ARRDC2: variants seen among roughly 807,000 people sequenced by gnomAD.
ARRDC2 encodes the protein arrestin domain-containing protein 2.
Under a neutral mutation model 38.9 loss-of-function variants are expected in ARRDC2, and 39 were observed. The observed-to-expected ratio is 1.00, with a 90% CI of 0.78 to 1.31. The LOEUF (loss-of-function observed/expected upper bound fraction) is 1.31. ARRDC2 is among the 50% of genes most tolerant of loss of function. ARRDC2 has a pLI of 0.00. For missense variants in ARRDC2, 553 were observed against 588.4 expected (o/e 0.94, Z 0.62); for synonymous variants, 300 against 261.9 (o/e 1.15, Z -1.41).
chr19:18,003,347 A>G (rs1259314334), upstream of ARRDC2, among the ~76,000 whole-genome samples: 1 of 151,518 alleles, frequency 6.6e-6, no homozygotes, highest in Non-Finnish European at 1.5e-5. Flanking sequence ...GCTCACTGCA[A>G]CCTCTGCCTC....
exon 1 of ARRDC2, chr19:18,001,216 G>T: frequency 9.2e-7 from 1 of 1,092,778 alleles, no homozygotes; most frequent in Non-Finnish European, 1.1e-6. Context: ...AAGCTTGGGG[G>T]ACGCGACGGG....
At chr19:18,009,485 A>G (rs1391317485) in intron 3 of ARRDC2, 107 bp from the exon 4 acceptor site, 1 of 1,023,078 alleles carries the variant, frequency 9.8e-7, no homozygotes, top group East Asian at 2.4e-5. Context: ...AAAAGAAACC[A>G]AGCCCTGCCC....
upstream of ARRDC2, among the ~76,000 whole-genome samples, chr19:18,006,374 C>T (rs1293123975): frequency 1.3e-5 from 2 of 152,172 alleles, no homozygotes; most frequent in Admixed American, 6.5e-5. Flanking sequence ...TCTGCAATCC[C>T]GGCACCTCGG....
upstream of ARRDC2, among the ~76,000 whole-genome samples, chr19:18,006,288 G>A (rs2033276262): frequency 6.6e-6 from 1 of 152,248 alleles, no homozygotes; most frequent in South Asian, 2.1e-4. Flanking sequence ...CTGGGAGGTG[G>A]AGGTTGTAGC....
intron 6 of ARRDC2, 71 bp downstream of exon 6, chr19:18,010,429 C>A: frequency 6.4e-7 from 1 of 1,569,518 alleles, no homozygotes; most frequent in Non-Finnish European, 8.6e-7. Flanking sequence ...GGTCAACTCT[C>A]TCACCACGAG....
rs1163626228 is a variant in ARRDC2, at chr19:18,008,402, C to G, written c.92C>G (p.Ala31Gly). The G allele has an allele frequency of 6.3e-7, 1 of 1,594,436 alleles. No individual in the cohort carries two copies. Among genetic ancestry groups the G allele is most frequent in the Non-Finnish European group, 8.5e-7 (1 of 1,178,066 alleles). The change falls in exon 1 of 8, where the codon GCG becomes GGG. Residue 31 changes from alanine to glycine, a missense_variant. Coordinates refer to ENST00000222250, the MANE Select transcript of ARRDC2 (RefSeq NM_015683.2). ...GTGTTTAGCGGCGGCCAGGCCGTGG[C>G]GGGCCGGGTGCTGCTGGAGCTGTCA... ...EPVFSGGQAV[A>G]GRVLLELSSA...
At position 18,001,527 on chromosome 19, in the gene ARRDC2, C is replaced by G; in HGVS notation, c.213C>G (p.Tyr71Ter). The G allele has an allele frequency of 7.2e-7, 1 of 1,388,640 alleles. No homozygotes were observed. Among genetic ancestry groups the G allele is most frequent in the East Asian group, 3.1e-5 (1 of 32,616 alleles). 86.0% of individuals were successfully genotyped at this position (1,388,640 alleles called of 1,614,324 possible). Residue 71 changes from tyrosine to a stop codon, truncating the protein, a stop_gained, in exon 1 of 8, where the codon TAC (tyrosine) becomes TAG (stop). Coordinates refer to the ARRDC2 transcript ENST00000379656. LOFTEE classifies it high-confidence loss of function. The stretch of plus-strand genomic sequence containing the variant: ...GCGTCAACGCCGTATCCAGCGACTA[C>G]GCGGCCGCGGAGACCTACCTGCGGC...
chr19:18,001,295 C>G, exon 1 of ARRDC2: 1 of 1,195,810 alleles, frequency 8.4e-7, no homozygotes, highest in East Asian at 3.6e-5. Context: ...GTGTCCAAAC[C>G]GTGTCCCCAG....
At chr19:18,008,647 A>G (rs1316509502) in intron 1 of ARRDC2, 63 bp downstream of exon 1, 9 of 1,603,692 alleles carry the variant, frequency 5.6e-6, no homozygotes, top group Non-Finnish European at 7.6e-6. Flanking sequence ...GGACGGCGGT[A>G]CCTCCGTCAG....
In ARRDC2 at chr19:18,008,487, G is replaced by C; in HGVS notation, c.177G>C (p.Trp59Cys). ...CGCGGGGCCGCGCCCACGTGCACTG[G>C]ACCGAGTCGCGCAGCGCGGGCTCGA... ...LRARGRAHVH[W>C]TESRSAGSST... Residue 59 changes from tryptophan (W) to cysteine (C), a missense_variant, in exon 1 of 8, where the codon TGG (tryptophan) becomes TGC (cysteine). This residue lies in a region of ARRDC2 where 447 missense variants were observed against 456.6 expected (regional missense o/e 0.98). Coordinates refer to ENST00000222250, the MANE Select transcript of ARRDC2 (RefSeq NM_015683.2). The C allele has an allele frequency of 6.5e-7, 1 of 1,531,074 alleles. No individual in the cohort carries two copies. Among genetic ancestry groups the C allele is most frequent in the South Asian group, 1.2e-5 (1 of 84,156 alleles). 94.8% of individuals were successfully genotyped at this position (1,531,074 alleles called of 1,614,324 possible).
At chr19:18,003,523 C>T (rs536632348), upstream of ARRDC2, among the ~76,000 whole-genome samples, 8 of 151,936 alleles carry the variant, frequency 5.3e-5, no homozygotes, top group Admixed American at 1.3e-4. Context: ...GGCGCCGGCG[C>T]AATCTTGGCT....
At chr19:18,008,870 A>G in intron 2 of ARRDC2, 93 bp downstream of exon 2, 8 of 1,593,576 alleles carry the variant, frequency 5.0e-6, no homozygotes, top group East Asian at 2.2e-5. Context: ...TCTGAGCCCC[A>G]AGACTCTCCC....
upstream of ARRDC2, chr19:18,007,193 C>A (rs2033297518): frequency 6.6e-6 from 1 of 152,278 alleles, no homozygotes; most frequent in African/African-American, 2.4e-5. Flanking sequence ...AGGCAACTCC[C>A]GCTGGAGAAA....
Position 18,010,696 on chromosome 19 carries a change from G to A in ARRDC2, c.1137G>A (p.Glu379=). ...LEGPFFAYIQ[E]FRYRPPPLYS... ...GCCCGTTCTTCGCCTACATCCAAGA[G>A]TTCCGCTACCGCCCGCCACCCCTGT... Residue 379 remains glutamate, a synonymous_variant, in exon 7 of 8, where the codon GAG becomes GAA. Coordinates refer to ENST00000222250, the MANE Select transcript of ARRDC2 (RefSeq NM_015683.2). 6.2e-7 allele frequency: 1 copy of A among 1,613,830 alleles called. No individual in the cohort carries two copies. Among genetic ancestry groups the A allele is most frequent in the Non-Finnish European group, 8.5e-7 (1 of 1,180,032 alleles).
chr19:18,008,917 C>G (rs1027805629), intron 2 of ARRDC2, 54 bp from the exon 3 acceptor site: 2 of 1,607,002 alleles, frequency 1.2e-6, no homozygotes, highest in Non-Finnish European at 1.7e-6. Context: ...TCTCCTTCTC[C>G]CTGCCTGCTT....
At chr19:18,010,809 G>T (rs1407629978) in intron 7 of ARRDC2, 80 bp downstream of exon 7, 28 of 1,455,902 alleles carry the variant, frequency 1.9e-5, no homozygotes, top group Middle Eastern at 1.8e-4. Context: ...TAGTAGATGG[G>T]TTTTTTTTGT....
chr19:18,013,009 T>C lies in ARRDC2; in HGVS notation c.*43T>C, dbSNP rs1378199994. ...CGAGGAACAAGGTTGCACACCAGCT[T>C]TCAGCCACCATGACTGTGGGGAGTG... On this transcript the variant is annotated 3_prime_UTR_variant, in exon 8 of 8. Coordinates refer to ENST00000222250, the MANE Select transcript of ARRDC2 (RefSeq NM_015683.2). 2.5e-6 allele frequency: 4 copies of C among 1,604,224 alleles called. No individual in the cohort carries two copies. The highest frequency in any genetic ancestry group is 4.5e-5 in the East Asian group (2 of 44,736).
chr19:18,008,078 T>G, upstream of ARRDC2: 2 of 1,170,430 alleles, frequency 1.7e-6, no homozygotes, highest in Non-Finnish European at 2.2e-6. Flanking sequence ...TGTCGCGCTA[T>G]TGGTGGAGTC....
upstream of ARRDC2, among the ~76,000 whole-genome samples, chr19:18,005,843 G>A (rs1282264633): frequency 3.3e-5 from 5 of 150,792 alleles, no homozygotes; most frequent in Non-Finnish European, 5.9e-5. Flanking sequence ...GGTGGCAGCC[G>A]GGCGGAGGGG....
Sources: gnomAD v4.1 joint callset for allele counts (sites outside exome capture counted in the v4.1 genomes callset) on GRCh38, gnomAD v4.1.1 for gene constraint, gnomAD v4.1.1 regional missense constraint, MANE v1.5 for transcripts, NCBI Gene and HGNC (gene_info 2026-07-23, HGNC 2026-07-21) for gene names.